The following TRPS1 variants were observed in gnomAD, a reference collection of about 807,000 sequenced individuals.
TRPS1 encodes the protein zinc finger transcription factor Trps1.
TRPS1 carries 6 observed loss-of-function variants against 101.2 expected under a neutral mutation model. The observed-to-expected ratio is 0.06, with a 90% confidence interval of 0.03 to 0.12. TRPS1 has a LOEUF of 0.12. Ranked by LOEUF, TRPS1 falls within the 10% of genes least tolerant of loss-of-function variation. TRPS1 has a pLI of 1.00. For synonymous variants in TRPS1, 578 were observed against 589.8 expected, an observed-to-expected ratio of 0.98 and a Z score of 0.29; for missense variants, 1,363 against 1,567.0, an observed-to-expected ratio of 0.87 and a Z score of 2.20.
At chr8:115,529,971 G>A (rs1019141646) in intron 5 of TRPS1, among the ~76,000 whole-genome samples, 2 of 152,088 alleles carry the variant, frequency 1.3e-5, no homozygotes, top group African/African-American at 4.8e-5. Flanking sequence ...CATTAAATGA[G>A]AAAATCCATC....
At chr8:115,525,364 G>A (rs562983971) in intron 5 of TRPS1, among the ~76,000 whole-genome samples, 4 of 152,186 alleles carry the variant, frequency 2.6e-5, no homozygotes, top group Admixed American at 2.6e-4. Flanking sequence ...AGAGAAGCCA[G>A]GAAAGAAGAA....
At chr8:115,548,016 G>A (rs1563593927) in intron 5 of TRPS1, among the ~76,000 whole-genome samples, 1 of 151,818 alleles carries the variant, frequency 6.6e-6, no homozygotes, top group Non-Finnish European at 1.5e-5. Context: ...AACTGCTTGG[G>A]GTCAGGAGTT....
chr8:115,633,659 C>A (rs142441922), intron 1 of TRPS1, among the ~76,000 whole-genome samples: 1 of 151,956 alleles, frequency 6.6e-6, no homozygotes, highest in African/African-American at 2.4e-5. Flanking sequence ...CCAAGAAGAC[C>A]GGAGGGAACA....
At chr8:115,435,998 TCACACACA>T (rs4027183) in intron 5 of TRPS1, among the ~76,000 whole-genome samples, 34,779 of 133,854 alleles carry the variant, frequency 0.26, 4,792 homozygotes, top group Middle Eastern at 0.41. Context: ...AAATGAGAAA[TCACACACA>T]CACACACACA....
At chr8:115,459,927 A>T (rs114533637) in intron 5 of TRPS1, among the ~76,000 whole-genome samples, 1,955 of 152,330 alleles carry the variant, frequency 0.013, 35 homozygotes, top group African/African-American at 0.045. Context: ...AACATTGTTT[A>T]AAATGATACA....
At chr8:115,549,671 TA>T (rs36083510) in intron 5 of TRPS1, among the ~76,000 whole-genome samples, 6,665 of 114,048 alleles carry the variant, frequency 0.058, 387 homozygotes, top group African/African-American at 0.18. Flanking sequence ...AATACTCTAT[TA>T]AAAAAAAAAA....
intron 5 of TRPS1, among the ~76,000 whole-genome samples, chr8:115,548,079 A>T (rs535411832): frequency 4.1e-4 from 62 of 151,968 alleles, no homozygotes; most frequent in African/African-American, 1.4e-3. Context: ...AAAAAAAAAA[A>T]AAAATAAGTC....
chr8:115,464,469 G>A (rs1181521732), intron 5 of TRPS1, among the ~76,000 whole-genome samples: 4 of 152,070 alleles, frequency 2.6e-5, no homozygotes, highest in Non-Finnish European at 5.9e-5. Flanking sequence ...GTCTGAGAGT[G>A]TAGTTCATTA....
chr8:115,628,975 G>A (rs1274573447), intron 1 of TRPS1, among the ~76,000 whole-genome samples: 4 of 151,830 alleles, frequency 2.6e-5, no homozygotes, highest in South Asian at 2.1e-4. Context: ...AGAGGGTGAC[G>A]TGTGTCCAAT....
chr8:115,605,212 C>T (rs1002966143), intron 3 of TRPS1, among the ~76,000 whole-genome samples: 1 of 152,184 alleles, frequency 6.6e-6, no homozygotes, highest in African/African-American at 2.4e-5. Context: ...TTATGTTATA[C>T]ACTGTAGGCC....
chr8:115,492,526 T>A (rs1336499011), intron 5 of TRPS1, among the ~76,000 whole-genome samples: 1 of 151,662 alleles, frequency 6.6e-6, no homozygotes, highest in African/African-American at 2.4e-5. Flanking sequence ...TTTAATTCAA[T>A]CGACAAAAAT....
chr8:115,580,894 CTGAG>C (rs1817432811), intron 5 of TRPS1, among the ~76,000 whole-genome samples: 2 of 152,082 alleles, frequency 1.3e-5, no homozygotes, highest in Admixed American at 6.6e-5. Flanking sequence ...AATCCCTCTC[CTGAG>C]TATTTTTCCA....
intron 5 of TRPS1, among the ~76,000 whole-genome samples, chr8:115,536,417 G>T (rs1386935209): frequency 6.6e-6 from 1 of 151,642 alleles, no homozygotes; most frequent in East Asian, 1.9e-4. Context: ...CAGCTACTCA[G>T]GAGCCTGAGG....
chr8:115,631,423 G>C (rs1014803130), intron 1 of TRPS1, among the ~76,000 whole-genome samples: 9 of 152,016 alleles, frequency 5.9e-5, no homozygotes, highest in African/African-American at 1.9e-4. Context: ...TCTCATCAGT[G>C]ATCTCAAGTT....
intron 4 of TRPS1, among the ~76,000 whole-genome samples, chr8:115,597,121 T>C (rs747751126): frequency 2.0e-5 from 3 of 152,004 alleles, no homozygotes; most frequent in Admixed American, 6.6e-5. Flanking sequence ...AATGCAATTA[T>C]GAACATTTTT....
intron 3 of TRPS1, among the ~76,000 whole-genome samples, chr8:115,607,422 G>A (rs1401802185): frequency 1.3e-5 from 2 of 149,684 alleles, no homozygotes; most frequent in East Asian, 2.0e-4. Context: ...GTGTCTAGAT[G>A]TGTTTTTTTT....
chr8:115,483,121 A>G (rs1193816825), intron 5 of TRPS1, among the ~76,000 whole-genome samples: 1 of 152,202 alleles, frequency 6.6e-6, no homozygotes, highest in African/African-American at 2.4e-5. Context: ...CTAGCACAGA[A>G]TAAACACTCA....
At chr8:115,662,691 T>TAA (rs751548438) in intron 1 of TRPS1, among the ~76,000 whole-genome samples, 17,386 of 107,408 alleles carry the variant, frequency 0.16, 1,477 homozygotes, top group African/African-American at 0.25. Context: ...TGACTATTTA[T>TAA]AAAAAAAAAA....
At chr8:115,482,588 T>C (rs1470439523) in intron 5 of TRPS1, among the ~76,000 whole-genome samples, 1 of 152,206 alleles carries the variant, frequency 6.6e-6, no homozygotes, top group East Asian at 1.9e-4. Context: ...TGAATAAACA[T>C]AGGCCTTTTA....
Sources: allele counts gnomAD v4.1 joint callset (sites outside exome capture counted in the v4.1 genomes callset), GRCh38; gene constraint gnomAD v4.1.1; transcripts MANE v1.5; gene names NCBI Gene and HGNC (gene_info 2026-07-23, HGNC 2026-07-21).